The following CDK6 variants were observed in gnomAD, a reference collection of about 807,000 sequenced individuals.
CDK6 encodes the protein cyclin dependent kinase 6.
In CDK6, 6 loss-of-function variants were observed where a neutral mutation model predicts 37.1. The observed-to-expected ratio is 0.16, with a 90% CI of 0.09 to 0.32. The LOEUF is 0.32. CDK6 is among the 10% of genes least tolerant of loss of function. The probability of loss-of-function intolerance (pLI) is 1.00; values close to 1 mark genes in which losing one functional copy is unlikely to be tolerated. For missense variants in CDK6, 224 were observed against 418.9 expected (o/e 0.53, Z 4.06); for synonymous variants, 160 against 161.3 (o/e 0.99, Z 0.06).
chr7:92,824,852 C>CTATTTT, intron 2 of CDK6, among the ~76,000 whole-genome samples: 1 of 152,142 alleles, frequency 6.6e-6, no homozygotes, highest in South Asian at 2.1e-4. Flanking sequence ...GTAGTAATTT[C>CTATTTT]TATTTTTATT....
At chr7:92,691,621 A>G (rs1797601825) in intron 4 of CDK6, among the ~76,000 whole-genome samples, 1 of 152,218 alleles carries the variant, frequency 6.6e-6, no homozygotes. Context: ...AAAAAAGTCT[A>G]AGGCAATACC....
chr7:92,774,404 T>C (rs1319424822), intron 3 of CDK6, among the ~76,000 whole-genome samples: 1 of 152,196 alleles, frequency 6.6e-6, no homozygotes, highest in African/African-American at 2.4e-5. Context: ...TCTAAGACAA[T>C]CTACAACTAA....
chr7:92,669,636 G>C (rs1175287542), intron 5 of CDK6, among the ~76,000 whole-genome samples: 1 of 152,200 alleles, frequency 6.6e-6, no homozygotes, highest in East Asian at 1.9e-4. Flanking sequence ...AATTATTCTT[G>C]GTTCTAACCA....
chr7:92,641,677 A>T (rs991801328), intron 5 of CDK6, among the ~76,000 whole-genome samples: 2 of 152,242 alleles, frequency 1.3e-5, no homozygotes, highest in Admixed American at 6.5e-5. Context: ...TAAGATTTTT[A>T]AAAAACAGTC....
intron 2 of CDK6, among the ~76,000 whole-genome samples, chr7:92,797,468 T>C (rs1174704136): frequency 3.3e-5 from 5 of 152,272 alleles, no homozygotes; most frequent in East Asian, 3.9e-4. Context: ...CCTCTATATA[T>C]ACTAATGAAA....
intron 4 of CDK6, among the ~76,000 whole-genome samples, chr7:92,689,160 C>T (rs561998715): frequency 1.3e-5 from 2 of 152,138 alleles, no homozygotes; most frequent in East Asian, 1.9e-4. Context: ...GGTAAACGTG[C>T]GTCACAGGGG....
Position 92,615,238 on chromosome 7 carries a change from G to C in CDK6, c.883C>G (p.Leu295Val), listed in dbSNP as rs1335798126. 1.2e-6 allele frequency: 2 copies of C among 1,614,102 alleles called. No homozygotes were observed. Among genetic ancestry groups the C allele is most frequent in the East Asian group, 2.2e-5 (1 of 44,878 alleles). Reference protein sequence around the residue: ...PAKRISAYSALSHPYFQDLER... With the variant: ...PAKRISAYSAVSHPYFQDLER... ...AGGTCCTGGAAGTATGGGTGAGACA[G>C]GGCACTGTAGGCAGATATTCTTTTG... The change falls in exon 8 of 8, where the codon CTG becomes GTG. Residue 295 changes from leucine to valine, a missense_variant. Transcript: ENST00000424848.
At chr7:92,624,804 C>T (rs533532944) in intron 5 of CDK6, among the ~76,000 whole-genome samples, 4 of 152,092 alleles carry the variant, frequency 2.6e-5, no homozygotes, top group Admixed American at 1.3e-4. Context: ...GCCAAGTGCC[C>T]CAAACATAAT....
intron 2 of CDK6, among the ~76,000 whole-genome samples, chr7:92,817,473 C>A (rs1407522021): frequency 2.6e-5 from 4 of 151,738 alleles, no homozygotes; most frequent in African/African-American, 9.7e-5. Context: ...ACTCTCTAAG[C>A]AAACTAGGAA....
In CDK6 at chr7:92,687,336, G is replaced by A. The variant is rs2116634383; in HGVS notation, c.538-15801C>T. Among the ~76,000 whole-genome samples the A allele has an allele frequency of 2.6e-5, 4 of 152,280 alleles. No homozygotes were observed. The South Asian group carries it at 8.3e-4, about 32-fold the overall frequency. On this transcript the variant is annotated intron_variant, in intron 4 of 7. Transcript: ENST00000424848. ...ACTAGCTAATCTTTGGATCCCCAAT[G>A]CTTAGTGCAATATCTGACACACGGC...
intron 4 of CDK6, among the ~76,000 whole-genome samples, chr7:92,686,320 T>A (rs1467517072): frequency 6.6e-6 from 1 of 152,086 alleles, no homozygotes; most frequent in Non-Finnish European, 1.5e-5. Context: ...GTCCACTGTA[T>A]CATTCTTATG....
chr7:92,813,320 C>A (rs1197889815), intron 2 of CDK6, among the ~76,000 whole-genome samples: 1 of 152,060 alleles, frequency 6.6e-6, no homozygotes, highest in Non-Finnish European at 1.5e-5. Context: ...GAAAGGGAAT[C>A]ATACTGCTTG....
At chr7:92,630,898 T>A (rs921468180) in intron 5 of CDK6, among the ~76,000 whole-genome samples, 1 of 152,208 alleles carries the variant, frequency 6.6e-6, no homozygotes. Flanking sequence ...CAGGGACACC[T>A]GGCAAAATGA....
chr7:92,775,462 G>T (rs1196419254), intron 2 of CDK6, among the ~76,000 whole-genome samples: 3 of 152,056 alleles, frequency 2.0e-5, no homozygotes, highest in Non-Finnish European at 4.4e-5. Flanking sequence ...TTCAGGGGTA[G>T]GGGGACCTGC....
In CDK6 at chr7:92,607,460, G is replaced by A. The variant is rs1170664050; in HGVS notation, c.*7680C>T. The A allele has an allele frequency of 4.3e-6, 1 of 232,430 alleles. No individual in the cohort carries two copies. The highest frequency in any genetic ancestry group is 8.5e-6 in the Non-Finnish European group (1 of 117,794). The allele number at this position is 232,430 out of a possible 1,614,324, so 14.4% of individuals were successfully genotyped here. A position where few individuals can be genotyped will look rare whatever the true frequency, so the allele number is the denominator to read the frequency against. ...CTTTACTTTAATTCCTTTACATAAT[G>A]ATAAAACACCTAGATACCCAAAATA... On this transcript the variant is annotated 3_prime_UTR_variant, in exon 8 of 8. Coordinates refer to ENST00000424848, the MANE Select transcript of CDK6 (RefSeq NM_001145306.2).
Position 92,834,599 on chromosome 7 carries a change from G to A in CDK6, c.-367-909C>T, listed in dbSNP as rs1400016196. On this transcript the variant is annotated intron_variant, in intron 1 of 7. Transcript: ENST00000424848. This position sits in a 1 kb window ranked among gnomAD's most constrained non-coding sequence, Gnocchi z 4.6. The stretch of plus-strand genomic sequence containing the variant: ...TCTCCTTAAAGAATAACTTCAGGAA[G>A]GGGATAGCATAATCGCGCCTCGTCC... Among the ~76,000 whole-genome samples the A allele has an allele frequency of 6.6e-6, 1 of 150,542 alleles. No homozygotes were observed. The highest frequency in any genetic ancestry group is 2.5e-5 in the African/African-American group (1 of 40,802).
rs1795508738 is a variant in CDK6, at chr7:92,609,272, TGTGAGAAAG to T, written c.*5859_*5867del. ...CCTACTAAATTTCAAGTGACACTGC[TGTGAGAAAG>T]GTGACCTCTAAAATTAACTTAATCA... On this transcript the variant is annotated 3_prime_UTR_variant, in exon 8 of 8. Coordinates refer to ENST00000424848, the MANE Select transcript of CDK6 (RefSeq NM_001145306.2). 2 of 232,774 alleles carry T rather than the reference TGTGAGAAAG, an allele frequency of 8.6e-6. No homozygotes were observed. The highest frequency in any genetic ancestry group is 3.6e-4 in the South Asian group (2 of 5,520). 14.4% of individuals were successfully genotyped at this position (232,774 alleles called of 1,614,324 possible).
intron 3 of CDK6, among the ~76,000 whole-genome samples, chr7:92,763,457 G>A (rs1456542415): frequency 6.6e-6 from 1 of 152,190 alleles, no homozygotes. Context: ...GTCAAATCAT[G>A]AATGAGTGAT....
chr7:92,740,449 T>C (rs1325583952), intron 3 of CDK6, among the ~76,000 whole-genome samples: 1 of 152,200 alleles, frequency 6.6e-6, no homozygotes, highest in Non-Finnish European at 1.5e-5. Flanking sequence ...CCGCCTCGTA[T>C]AATCTCACAA....
Sources: gnomAD v4.1 joint callset for allele counts (sites outside exome capture counted in the v4.1 genomes callset) on GRCh38, gnomAD v4.1.1 for gene constraint, Gnocchi (gnomAD v3.1) non-coding constraint, MANE v1.5 for transcripts, NCBI Gene and HGNC (gene_info 2026-07-23, HGNC 2026-07-21) for gene names.